CDH23: variants seen among roughly 807,000 people sequenced by gnomAD.
CDH23 encodes the protein cadherin-23.
CDH23 carries 189 observed loss-of-function variants against 317.1 expected under a neutral mutation model. The observed-to-expected ratio is 0.60, with a 90% CI of 0.53 to 0.67. The LOEUF is 0.67. Among genes scored for constraint, CDH23 ranks in the 30% least tolerant of loss-of-function variants. The pLI is 0.00. For missense variants in CDH23, 4,401 were observed against 4,592.4 expected (o/e 0.96, Z 1.20); for synonymous variants, 1,839 against 1,876.8 (o/e 0.98, Z 0.52).
chr10:71,403,457 CCTTCCTTCCTT>C (rs1847941740), intron 1 of CDH23, among the ~76,000 whole-genome samples: 1 of 21,590 alleles, frequency 4.6e-5, no homozygotes, highest in Non-Finnish European at 8.2e-5. Context: ...TCCTTCCTTT[CCTTCCTTCCTT>C]CCTTCCTTCC....
intron 4 of CDH23, 101 bp from the exon 5 acceptor site, chr10:71,510,853 C>T (rs1853929224): frequency 2.5e-6 from 3 of 1,176,852 alleles, no homozygotes; most frequent in Admixed American, 3.4e-5. Context: ...CAGGCAAGCT[C>T]CTAGGGCAAT....
At chr10:71,637,843 C>A (rs144657453) in intron 11 of CDH23, among the ~76,000 whole-genome samples, 2 of 151,618 alleles carry the variant, frequency 1.3e-5, no homozygotes, top group Non-Finnish European at 2.9e-5. Flanking sequence ...CCCCCTACCC[C>A]CCGACCCCAA....
At chr10:71,622,854 C>T (rs778140342) in intron 11 of CDH23, 18 of 803,310 alleles carry the variant, frequency 2.2e-5, no homozygotes, top group Non-Finnish European at 2.7e-5. Flanking sequence ...CTCTCTTCCC[C>T]ACCCCAGAGA....
At chr10:71,555,000 C>T (rs1216016591) in intron 6 of CDH23, among the ~76,000 whole-genome samples, 1 of 152,194 alleles carries the variant, frequency 6.6e-6, no homozygotes, top group Non-Finnish European at 1.5e-5. Context: ...GAGAGGAATA[C>T]AGGCACCACA....
intron 11 of CDH23, chr10:71,617,654 A>G (rs1861264876): frequency 2.0e-6 from 1 of 497,666 alleles, no homozygotes; most frequent in African/African-American, 2.1e-5. Flanking sequence ...CATGATCATC[A>G]TACTAATCTA....
intron 19 of CDH23, among the ~76,000 whole-genome samples, chr10:71,688,861 T>C (rs868057122): frequency 9.5e-6 from 1 of 105,624 alleles, no homozygotes; most frequent in African/African-American, 3.5e-5. Flanking sequence ...TCAGGGGTGG[T>C]GGAGTCAGGG....
chr10:71,705,131 G>T lies in CDH23; in HGVS notation c.2953+1G>T. The T allele has an allele frequency of 6.2e-7, 1 of 1,608,158 alleles. No homozygotes were observed. The highest frequency in any genetic ancestry group is 1.1e-5 in the South Asian group (1 of 90,888). ...TCCACCAGCACGCTCACCATCCATG[G>T]TGAGGGGGCGCAGGGGCTTCTGCTG... On this transcript the variant is annotated splice_donor_variant, in intron 25 of 69. Transcript: ENST00000224721. LOFTEE classifies it high-confidence loss of function.
chr10:71,769,706 C>T (rs1356137564), intron 38 of CDH23, among the ~76,000 whole-genome samples: 1 of 152,122 alleles, frequency 6.6e-6, no homozygotes, highest in African/African-American at 2.4e-5. Flanking sequence ...CAGGGTTTGA[C>T]CCCAGGTCCC....
At chr10:71,788,072 G>A (rs988378078) in intron 44 of CDH23, among the ~76,000 whole-genome samples, 2 of 152,168 alleles carry the variant, frequency 1.3e-5, no homozygotes, top group Non-Finnish European at 2.9e-5. Context: ...TCTTGAGATG[G>A]TGTCTTGCTC....
chr10:71,441,278 A>G (rs769743110), intron 2 of CDH23, among the ~76,000 whole-genome samples: 7 of 152,050 alleles, frequency 4.6e-5, no homozygotes, highest in Non-Finnish European at 7.4e-5. Context: ...GGAGGCTTCA[A>G]TCGGGGCTCC....
At chr10:71,697,143 C>T (rs573615504) in intron 22 of CDH23, among the ~76,000 whole-genome samples, 2 of 152,328 alleles carry the variant, frequency 1.3e-5, no homozygotes, top group African/African-American at 2.4e-5. Flanking sequence ...GCAGACAAGG[C>T]GTGGGTGTGC....
chr10:71,451,120 A>G (rs1032674878), intron 3 of CDH23, among the ~76,000 whole-genome samples: 7 of 149,390 alleles, frequency 4.7e-5, no homozygotes, highest in African/African-American at 1.7e-4. Context: ...CTCCCCTCCC[A>G]TCCCTTAGGG....
At chr10:71,669,154 AGGGAGGCTGATG>A (rs1166139207) in intron 14 of CDH23, among the ~76,000 whole-genome samples, 1 of 152,172 alleles carries the variant, frequency 6.6e-6, no homozygotes, top group African/African-American at 2.4e-5. Context: ...GGTTCTGCTG[AGGGAGGCTGATG>A]GGGAGGCAGA....
intron 38 of CDH23, among the ~76,000 whole-genome samples, chr10:71,757,112 C>G (rs1171579819): frequency 6.6e-6 from 1 of 152,198 alleles, no homozygotes; most frequent in Admixed American, 6.5e-5. Context: ...ATTTCAAAAC[C>G]CCCATCAAAG....
At chr10:71,674,677 G>A (rs538820360) in intron 14 of CDH23, among the ~76,000 whole-genome samples, 72 of 152,326 alleles carry the variant, frequency 4.7e-4, no homozygotes, top group African/African-American at 1.6e-3. Flanking sequence ...GAGGCATCAA[G>A]ACAGTACATA....
At chr10:71,584,389 A>G (rs768373561) in intron 9 of CDH23, among the ~76,000 whole-genome samples, 1 of 152,206 alleles carries the variant, frequency 6.6e-6, no homozygotes, top group Non-Finnish European at 1.5e-5. Context: ...CCTCACTTCC[A>G]GGTCACACTG....
In CDH23 at chr10:71,788,899, C is replaced by T. The variant is rs766260624; in HGVS notation, c.5821-41C>T. ...CTCCCACCTAGGTGGGGGCACTTTG[C>T]TGAGCATGGCCTACAACGTGCCCCA... On this transcript the variant is annotated intron_variant, in intron 44 of 69. Coordinates refer to ENST00000224721, the MANE Select transcript of CDH23 (RefSeq NM_022124.6). 5 of 1,048,108 alleles carry T rather than the reference C, an allele frequency of 4.8e-6. No homozygotes were observed. In the African/African-American group the frequency reaches 7.8e-5, roughly 16 times the overall value. 64.9% of individuals were successfully genotyped at this position (1,048,108 alleles called of 1,614,324 possible). A position where few individuals can be genotyped will look rare whatever the true frequency, so the allele number is the denominator to read the frequency against.
At chr10:71,434,110 T>C (rs1254494549) in intron 1 of CDH23, among the ~76,000 whole-genome samples, 1 of 152,084 alleles carries the variant, frequency 6.6e-6, no homozygotes, top group Non-Finnish European at 1.5e-5. Flanking sequence ...CTAGGCATGC[T>C]CTTGCCTCAG....
chr10:71,578,957 T>A (rs913391963), intron 9 of CDH23, among the ~76,000 whole-genome samples: 1 of 152,098 alleles, frequency 6.6e-6, no homozygotes, highest in Non-Finnish European at 1.5e-5. Flanking sequence ...ATCAAGAACA[T>A]GGAGGAGGAT....
Sources: allele counts gnomAD v4.1 joint callset (sites outside exome capture counted in the v4.1 genomes callset), GRCh38; gene constraint gnomAD v4.1.1; transcripts MANE v1.5; gene names NCBI Gene and HGNC (gene_info 2026-07-23, HGNC 2026-07-21).